EYS: variants seen among roughly 807,000 people sequenced by gnomAD.
The protein encoded by EYS is protein eyes shut homolog.
In EYS, 250 loss-of-function variants were observed where a neutral mutation model predicts 282.1. The ratio of observed to expected loss-of-function variants is 0.89; its 90% confidence interval spans 0.80 to 0.98. The LOEUF is 0.98. Ranked by LOEUF, EYS falls within the 50% of genes least tolerant of loss-of-function variation. The pLI is 0.00. For synonymous variants in EYS, 1,355 were observed against 1,282.9 expected, an observed-to-expected ratio of 1.06 and a Z score of -1.20; for missense variants, 4,016 against 3,709.0, an observed-to-expected ratio of 1.08 and a Z score of -2.15.
At chr6:64,542,796 A>ATCAT (rs1764731429) in intron 26 of EYS, among the ~76,000 whole-genome samples, 1 of 152,132 alleles carries the variant, frequency 6.6e-6, no homozygotes, top group African/African-American at 2.4e-5. Context: ...CTATATTTTT[A>ATCAT]AGGAGGCATA....
intron 21 of EYS, 106 bp downstream of exon 21, chr6:64,821,539 A>T (rs1764898953): frequency 5.0e-6 from 3 of 594,626 alleles, no homozygotes; most frequent in Non-Finnish European, 8.9e-6. Context: ...CAGTTAAATC[A>T]TCAACAACTG....
Position 64,660,727 on chromosome 6 carries a change from G to T in EYS, c.3444-34482C>A, listed in dbSNP as rs557672959. On this transcript the variant is annotated intron_variant, in intron 22 of 42. Transcript: ENST00000503581. ...GGAGAACTACAAACCACTGCTCAAT[G>T]AAATAAAAGAGGACAGAAACAAATG... is the stretch of plus-strand genomic sequence containing the variant. Among the ~76,000 whole-genome samples, 458 of 152,264 alleles carry T rather than the reference G, an allele frequency of 3.0e-3. 2 individuals are homozygous for T. The highest frequency in any genetic ancestry group is 7.7e-3 in the African/African-American group (321 of 41,552).
intron 26 of EYS, among the ~76,000 whole-genome samples, chr6:64,463,890 C>G (rs1308691693): frequency 6.6e-6 from 1 of 152,158 alleles, no homozygotes; most frequent in Non-Finnish European, 1.5e-5. Flanking sequence ...TTATCAAACT[C>G]TCCCAAAATA....
intron 12 of EYS, among the ~76,000 whole-genome samples, chr6:65,178,970 A>C (rs1447359326): frequency 1.3e-5 from 2 of 152,144 alleles, no homozygotes; most frequent in Non-Finnish European, 2.9e-5. Context: ...TACTGGGTAC[A>C]TAACAAAATG....
chr6:64,778,819 A>G (rs1346570383), intron 22 of EYS, among the ~76,000 whole-genome samples: 1 of 152,154 alleles, frequency 6.6e-6, no homozygotes, highest in Non-Finnish European at 1.5e-5. Flanking sequence ...CATCAACAAC[A>G]ACAAAATTAC....
chr6:65,141,040 C>G (rs1243423856), intron 12 of EYS, among the ~76,000 whole-genome samples: 5 of 151,848 alleles, frequency 3.3e-5, no homozygotes, highest in African/African-American at 4.8e-5. Context: ...GACACATGCA[C>G]ACGTATGTTT....
intron 36 of EYS, among the ~76,000 whole-genome samples, chr6:63,814,697 C>T (rs35900681): frequency 2.0e-5 from 3 of 152,150 alleles, no homozygotes; most frequent in Admixed American, 6.5e-5. Flanking sequence ...TTCAAAGTAA[C>T]TAGGTACTGG....
chr6:65,011,603 C>T (rs1228696175), intron 13 of EYS, among the ~76,000 whole-genome samples: 1 of 152,142 alleles, frequency 6.6e-6, no homozygotes, highest in Non-Finnish European at 1.5e-5. Flanking sequence ...CGGACAATCT[C>T]CCCAACAGCT....
chr6:65,490,725 A>G lies in EYS; in HGVS notation c.749-18T>C, dbSNP rs749635153. 1 of 1,489,416 alleles carries G rather than the reference A, an allele frequency of 6.7e-7. No individual in the cohort carries two copies. The highest frequency in any genetic ancestry group is 1.1e-5 in the South Asian group (1 of 87,866). 92.3% of individuals were successfully genotyped at this position (1,489,416 alleles called of 1,614,324 possible). A position where few individuals can be genotyped will look rare whatever the true frequency, so the allele number is the denominator to read the frequency against. On this transcript the variant is annotated intron_variant, in intron 4 of 42. Coordinates refer to ENST00000503581, the MANE Select transcript of EYS (RefSeq NM_001142800.2). Reference sequence around the variant, plus strand: ...ATTCTTTCCTATAACAATGAAAAAAAGTTTTTTTTACATTGGATATCAATA... The same window carrying G: ...ATTCTTTCCTATAACAATGAAAAAAGGTTTTTTTTACATTGGATATCAATA...
At chr6:65,612,724 T>C (rs944454863) in intron 2 of EYS, among the ~76,000 whole-genome samples, 1 of 151,536 alleles carries the variant, frequency 6.6e-6, no homozygotes, top group Non-Finnish European at 1.5e-5. Flanking sequence ...TCATATATTT[T>C]ATAGAATGTT....
intron 12 of EYS, among the ~76,000 whole-genome samples, chr6:65,092,789 CAAAAAGAATG>C (rs1409313308): frequency 3.9e-5 from 6 of 151,960 alleles, no homozygotes; most frequent in Admixed American, 1.3e-4. Context: ...TCACAAGTCA[CAAAAAGAATG>C]AAAAAGAGTG....
chr6:64,823,136 T>C (rs1430899330), intron 19 of EYS, among the ~76,000 whole-genome samples: 3 of 151,964 alleles, frequency 2.0e-5, no homozygotes, highest in African/African-American at 4.8e-5. Context: ...TGAATACTAA[T>C]TCATAATTTT....
chr6:64,531,309 A>G lies in EYS; in HGVS notation c.5644+58914T>C, dbSNP rs185780204. 3.7e-3 allele frequency among the ~76,000 whole-genome samples: 563 copies of G among 152,230 alleles called. 2 individuals carry two copies. Among genetic ancestry groups the G allele is most frequent in the Non-Finnish European group, 6.1e-3 (412 of 68,008 alleles). ...ATGGTTGCTTTTATCCCTAGCAGAGAAACAGGAGAGGATTTTGTAGTACGC... is the reference window on the plus strand; with the variant it reads ...ATGGTTGCTTTTATCCCTAGCAGAGGAACAGGAGAGGATTTTGTAGTACGC... On this transcript the variant is annotated intron_variant, in intron 26 of 42. Transcript: ENST00000503581.
At chr6:65,626,886 G>A (rs1766713789) in intron 2 of EYS, among the ~76,000 whole-genome samples, 1 of 129,846 alleles carries the variant, frequency 7.7e-6, no homozygotes, top group Non-Finnish European at 1.8e-5. Flanking sequence ...AATGGAAATG[G>A]GCATATTATG....
intron 22 of EYS, among the ~76,000 whole-genome samples, chr6:64,781,197 A>G (rs900916092): frequency 6.6e-6 from 1 of 150,852 alleles, no homozygotes; most frequent in East Asian, 1.9e-4. Flanking sequence ...TCAGGTAAAT[A>G]ATGAACATTT....
chr6:65,702,044 T>C (rs1231281700), intron 1 of EYS, among the ~76,000 whole-genome samples: 1 of 152,188 alleles, frequency 6.6e-6, no homozygotes, highest in African/African-American at 2.4e-5. Context: ...ATGACTGACA[T>C]GTGCTTAACA....
chr6:65,250,899 T>C (rs1767303911), intron 12 of EYS, among the ~76,000 whole-genome samples: 1 of 151,872 alleles, frequency 6.6e-6, no homozygotes, highest in African/African-American at 2.4e-5. Flanking sequence ...CTAGTCCTCA[T>C]ACCTTAATGT....
At chr6:65,012,329 T>C (rs1223484463) in intron 13 of EYS, among the ~76,000 whole-genome samples, 2 of 152,124 alleles carry the variant, frequency 1.3e-5, no homozygotes, top group East Asian at 3.9e-4. Context: ...TGAGTGTCAG[T>C]TTTCAAGGCA....
intron 35 of EYS, among the ~76,000 whole-genome samples, chr6:63,903,666 T>C: frequency 6.6e-6 from 1 of 152,196 alleles, no homozygotes; most frequent in Admixed American, 6.5e-5. Flanking sequence ...TATGGTTTCT[T>C]TTCTACCCCT....
Sources: gnomAD v4.1 joint callset for allele counts (sites outside exome capture counted in the v4.1 genomes callset) on GRCh38, gnomAD v4.1.1 for gene constraint, MANE v1.5 for transcripts, NCBI Gene and HGNC (gene_info 2026-07-23, HGNC 2026-07-21) for gene names.